Variants in RCAN1 observed in about 807,000 individuals in gnomAD.
The protein encoded by RCAN1 is calcipressin-1.
Under a neutral mutation model 22.9 loss-of-function variants are expected in RCAN1, and 11 were observed. The ratio of observed to expected loss-of-function variants is 0.48; its 90% CI spans 0.30 to 0.79. The LOEUF (loss-of-function observed/expected upper bound fraction) is 0.79. RCAN1 is among the 30% of genes least tolerant of loss of function. RCAN1 has a pLI of 0.06. For missense variants in RCAN1, 291 were observed against 337.8 expected (o/e 0.86, Z 1.09); for synonymous variants, 136 against 142.3 (o/e 0.96, Z 0.32).
chr21:34,522,258 T>A (rs1984625749), intron 2 of RCAN1: 1 of 151,548 alleles, frequency 6.6e-6, no homozygotes, highest in South Asian at 2.1e-4. Context: ...CCTACGATCC[T>A]AGTTTGGTTT....
intron 1 of RCAN1, among the ~76,000 whole-genome samples, chr21:34,589,650 T>C (rs573237010): frequency 5.9e-5 from 9 of 152,260 alleles, no homozygotes; most frequent in African/African-American, 1.9e-4. Flanking sequence ...CTTCCCAATG[T>C]GGGTGGGCAT....
At chr21:34,601,293 T>C (rs909437177) in intron 1 of RCAN1, among the ~76,000 whole-genome samples, 2 of 152,206 alleles carry the variant, frequency 1.3e-5, no homozygotes, top group African/African-American at 4.8e-5. Flanking sequence ...CCTCTATTTG[T>C]ATTATGTCTT....
chr21:34,595,842 A>G (rs1489476502), intron 1 of RCAN1, among the ~76,000 whole-genome samples: 1 of 152,168 alleles, frequency 6.6e-6, no homozygotes, highest in South Asian at 2.1e-4. Flanking sequence ...GGTGTCAGAC[A>G]AGCTGACCAC....
chr21:34,521,568 T>C lies in RCAN1; in HGVS notation c.517A>G (p.Lys173Glu), dbSNP rs768823178. The C allele has an allele frequency of 2.5e-6, 4 of 1,614,104 alleles. No individual in the cohort carries two copies. The highest frequency in any genetic ancestry group is 1.7e-5 in the Admixed American group (1 of 60,012). Residue 173 changes from lysine to glutamate, a missense_variant, in exon 3 of 4, where the codon AAA (lysine) becomes GAA (glutamate). Lys to Glu is a moderately conservative substitution (Grantham distance 56, BLOSUM62 1). Transcript: ENST00000313806. ...ACTGGGGTCGCATCTTCCACTTGTT[T>C]CCATCCCACTGGCGGAGAGGCGGGA... ...SPPASPPVGWKQVEDATPVIN... is the reference protein window; with the variant it reads ...SPPASPPVGWEQVEDATPVIN...
At chr21:34,596,782 C>T (rs533237262) in intron 1 of RCAN1, among the ~76,000 whole-genome samples, 4 of 152,300 alleles carry the variant, frequency 2.6e-5, no homozygotes, top group South Asian at 4.1e-4. Context: ...CTTTATCTTG[C>T]GAGAACCTTT....
intron 1 of RCAN1, chr21:34,613,753 G>A: frequency 6.7e-7 from 1 of 1,482,878 alleles, no homozygotes; most frequent in East Asian, 2.5e-5. Flanking sequence ...CAGAAAGTAA[G>A]TGAACATATA....
At chr21:34,577,311 G>A (rs560281340) in intron 1 of RCAN1, among the ~76,000 whole-genome samples, 13 of 152,172 alleles carry the variant, frequency 8.5e-5, no homozygotes, top group Non-Finnish European at 1.5e-4. Flanking sequence ...TAGAAAAATC[G>A]CTTGGGCCAG....
At chr21:34,563,494 C>A (rs1366772077) in intron 1 of RCAN1, among the ~76,000 whole-genome samples, 1 of 152,080 alleles carries the variant, frequency 6.6e-6, no homozygotes, top group Non-Finnish European at 1.5e-5. Context: ...CAGCAGAGTG[C>A]TGGTTTATCA....
chr21:34,561,700 GA>G (rs1366011059), intron 1 of RCAN1, among the ~76,000 whole-genome samples: 1 of 152,074 alleles, frequency 6.6e-6, no homozygotes, highest in Non-Finnish European at 1.5e-5. Flanking sequence ...AACTGTTTAT[GA>G]AAAAAAGAGA....
intron 1 of RCAN1, among the ~76,000 whole-genome samples, chr21:34,604,218 C>T (rs1288458064): frequency 6.6e-6 from 1 of 152,184 alleles, no homozygotes; most frequent in African/African-American, 2.4e-5. Flanking sequence ...GCAACCTCCG[C>T]CTCCCGGGTT....
intron 1 of RCAN1, among the ~76,000 whole-genome samples, chr21:34,562,855 G>A (rs954042141): frequency 1.6e-4 from 24 of 152,236 alleles, no homozygotes; most frequent in Non-Finnish European, 2.1e-4. Context: ...ATAACGCACA[G>A]TAGGATATTC....
chr21:34,606,642 G>A (rs1202093412), intron 1 of RCAN1, among the ~76,000 whole-genome samples: 2 of 152,186 alleles, frequency 1.3e-5, no homozygotes, highest in Admixed American at 6.5e-5. Context: ...ATTTGGAGAT[G>A]AGGCCTCTAA....
At chr21:34,570,429 C>T (rs1987194147) in intron 1 of RCAN1, among the ~76,000 whole-genome samples, 1 of 152,180 alleles carries the variant, frequency 6.6e-6, no homozygotes, top group African/African-American at 2.4e-5. Context: ...GAAAAAACAT[C>T]CTAAGAACAG....
chr21:34,599,808 T>C (rs1029176353), intron 1 of RCAN1, among the ~76,000 whole-genome samples: 2 of 152,198 alleles, frequency 1.3e-5, no homozygotes, highest in African/African-American at 2.4e-5. Context: ...TGACAATCTA[T>C]AGTTGGTGCC....
chr21:34,535,932 AAAAT>A (rs1279213637), intron 1 of RCAN1, among the ~76,000 whole-genome samples: 2 of 152,148 alleles, frequency 1.3e-5, no homozygotes, highest in Non-Finnish European at 2.9e-5. Flanking sequence ...AGAAAAGAGA[AAAAT>A]AAAATAATTG....
intron 1 of RCAN1, among the ~76,000 whole-genome samples, chr21:34,577,038 T>C (rs1987431032): frequency 6.6e-6 from 1 of 152,158 alleles, no homozygotes; most frequent in Admixed American, 6.5e-5. Context: ...GTCAGCTCCA[T>C]GGAGAAGAGG....
At chr21:34,544,205 A>T (rs1397868882) in intron 1 of RCAN1, among the ~76,000 whole-genome samples, 3 of 152,156 alleles carry the variant, frequency 2.0e-5, no homozygotes, top group Non-Finnish European at 4.4e-5. Flanking sequence ...GGACTCTGTG[A>T]TGGATTCTGT....
rs554821360 is a variant in RCAN1, at chr21:34,565,397, T to A, written c.253-41687A>T. 8.5e-5 allele frequency among the ~76,000 whole-genome samples: 13 copies of A among 152,306 alleles called. No homozygotes were observed. The South Asian group carries it at 2.7e-3, about 32-fold the overall frequency. ...ACATTCCTGCTGGGCTTTCAGGGCT[T>A]GGCAGTGCACAGAGGGCAGCCTGCT... is the stretch of plus-strand genomic sequence containing the variant. On this transcript the variant is annotated intron_variant, in intron 1 of 3. Coordinates refer to ENST00000313806, the MANE Select transcript of RCAN1 (RefSeq NM_004414.7).
intron 1 of RCAN1, among the ~76,000 whole-genome samples, chr21:34,604,277 C>T (rs1268415366): frequency 6.6e-6 from 1 of 152,018 alleles, no homozygotes; most frequent in African/African-American, 2.4e-5. Flanking sequence ...ATTACAGGCG[C>T]CCACCACTAC....
Sources: allele counts gnomAD v4.1 joint callset (sites outside exome capture counted in the v4.1 genomes callset), GRCh38; gene constraint gnomAD v4.1.1; transcripts MANE v1.5; gene names NCBI Gene and HGNC (gene_info 2026-07-23, HGNC 2026-07-21).